The following CNTNAP2 variants were observed in gnomAD, a reference collection of about 807,000 sequenced individuals.
CNTNAP2 encodes the protein contactin associated protein 2.
In CNTNAP2, 98 loss-of-function variants were observed where a neutral mutation model predicts 155.2. That is an observed-to-expected ratio of 0.63 (90% CI 0.54 to 0.75). The LOEUF is 0.75. CNTNAP2 is among the 30% of genes least tolerant of loss of function. CNTNAP2 has a pLI of 0.00. For missense variants in CNTNAP2, 1,727 were observed against 1,688.1 expected, an observed-to-expected ratio of 1.02 and a Z score of -0.40; for synonymous variants, 651 against 631.2, an observed-to-expected ratio of 1.03 and a Z score of -0.47.
At chr7:146,480,813 G>A (rs886806586) in intron 1 of CNTNAP2, among the ~76,000 whole-genome samples, 1 of 150,622 alleles carries the variant, frequency 6.6e-6, no homozygotes, top group Non-Finnish European at 1.5e-5. Flanking sequence ...CTCCCGAGTA[G>A]CTGGGACTAC....
chr7:146,618,714 A>C (rs1799268249), intron 1 of CNTNAP2, among the ~76,000 whole-genome samples: 1 of 152,166 alleles, frequency 6.6e-6, no homozygotes, highest in South Asian at 2.1e-4. Context: ...TAATGCATAA[A>C]CGTTAATGGA....
intron 21 of CNTNAP2, among the ~76,000 whole-genome samples, chr7:148,335,380 A>G (rs1289348649): frequency 6.6e-6 from 1 of 152,112 alleles, no homozygotes; most frequent in Non-Finnish European, 1.5e-5. Flanking sequence ...TCATGATGGG[A>G]GTCTCCTGCT....
At chr7:148,322,560 G>A (rs1217653970) in intron 21 of CNTNAP2, among the ~76,000 whole-genome samples, 1 of 152,120 alleles carries the variant, frequency 6.6e-6, no homozygotes, top group Non-Finnish European at 1.5e-5. Flanking sequence ...TCTTAAAGTT[G>A]TACTTGGGCA....
intron 21 of CNTNAP2, among the ~76,000 whole-genome samples, chr7:148,327,774 C>G (rs1367967594): frequency 6.6e-6 from 1 of 152,070 alleles, no homozygotes; most frequent in East Asian, 1.9e-4. Context: ...GTTTCTATTG[C>G]CTGGAAACTC....
intron 1 of CNTNAP2, among the ~76,000 whole-genome samples, chr7:146,621,286 CT>C (rs969834541): frequency 1.3e-5 from 2 of 152,152 alleles, no homozygotes; most frequent in African/African-American, 4.8e-5. Flanking sequence ...CCAGTTTCCC[CT>C]ATTAACTTTT....
At chr7:147,965,086 G>A (rs1010891646) in intron 14 of CNTNAP2, among the ~76,000 whole-genome samples, 2 of 152,136 alleles carry the variant, frequency 1.3e-5, no homozygotes, top group Admixed American at 6.5e-5. Context: ...GGAGAAAGAA[G>A]CCCAGGTGCT....
intron 1 of CNTNAP2, among the ~76,000 whole-genome samples, chr7:146,138,670 G>T (rs185748316): frequency 2.1e-4 from 32 of 151,974 alleles, no homozygotes; most frequent in Non-Finnish European, 4.3e-4. Flanking sequence ...ATGTGTTTTT[G>T]TGTGTGTACA....
At chr7:148,012,534 G>T (rs1290812039) in intron 15 of CNTNAP2, among the ~76,000 whole-genome samples, 1 of 152,094 alleles carries the variant, frequency 6.6e-6, no homozygotes, top group Non-Finnish European at 1.5e-5. Context: ...TTCAAAATTT[G>T]TTAAGAGGGT....
chr7:147,263,853 C>T lies in CNTNAP2; in HGVS notation c.1349-36288C>T, dbSNP rs116324881. The stretch of plus-strand genomic sequence containing the variant: ...ATAATTAAAAATCAGTTCACTCTTC[C>T]GGGAATCATTTTGAATGAATTGAAG... On this transcript the variant is annotated intron_variant, in intron 8 of 23. Transcript: ENST00000361727. Among the ~76,000 whole-genome samples the T allele has an allele frequency of 8.4e-3, 1,282 of 152,166 alleles. 24 individuals are homozygous for T. The highest frequency in any genetic ancestry group is 0.029 in the African/African-American group (1,218 of 41,502).
In CNTNAP2 at chr7:147,577,310, T is replaced by C. The variant is rs115751823; in HGVS notation, c.1897+15053T>C. Among the ~76,000 whole-genome samples the C allele has an allele frequency of 6.1e-3, 925 of 152,204 alleles. 9 individuals carry two copies. Among genetic ancestry groups the C allele is most frequent in the African/African-American group, 0.021 (858 of 41,554 alleles). On this transcript the variant is annotated intron_variant, in intron 12 of 23. Transcript: ENST00000361727. ...CATTGCTTCTTTAATATATCCTTAT[T>C]ACCATAGTCTTCCCTCTGTGTTCTC...
intron 1 of CNTNAP2, among the ~76,000 whole-genome samples, chr7:146,304,484 GTGTT>G (rs1262347613): frequency 6.6e-6 from 1 of 152,128 alleles, no homozygotes; most frequent in African/African-American, 2.4e-5. Context: ...AAATCTCTCA[GTGTT>G]TGTTTGTCTG....
chr7:146,984,318 G>T (rs1798074237), intron 3 of CNTNAP2, among the ~76,000 whole-genome samples: 1 of 141,090 alleles, frequency 7.1e-6, no homozygotes, highest in Non-Finnish European at 1.5e-5. Context: ...GGTGAGCCAA[G>T]ATTGTGCCAC....
At chr7:148,209,768 G>A (rs935359001) in intron 18 of CNTNAP2, among the ~76,000 whole-genome samples, 1 of 152,066 alleles carries the variant, frequency 6.6e-6, no homozygotes. Context: ...AACCTTTCAG[G>A]AGTTACCCGT....
intron 1 of CNTNAP2, among the ~76,000 whole-genome samples, chr7:146,702,524 G>A (rs1286254289): frequency 6.6e-6 from 1 of 152,124 alleles, no homozygotes; most frequent in Admixed American, 6.6e-5. Flanking sequence ...GCATTGTTGA[G>A]TACAGTTGCC....
intron 1 of CNTNAP2, among the ~76,000 whole-genome samples, chr7:146,430,864 C>G (rs760746729): frequency 6.6e-6 from 1 of 151,914 alleles, no homozygotes; most frequent in Non-Finnish European, 1.5e-5. Flanking sequence ...TGAAATAATA[C>G]AGTTCAATTA....
At chr7:146,811,133 G>T (rs995228105) in intron 2 of CNTNAP2, among the ~76,000 whole-genome samples, 1 of 152,086 alleles carries the variant, frequency 6.6e-6, no homozygotes, top group Admixed American at 6.5e-5. Context: ...TGATATGAAC[G>T]TTACTGGCCT....
chr7:147,750,649 T>G lies in CNTNAP2; in HGVS notation c.2098+111343T>G, dbSNP rs143122274. 3.2e-3 allele frequency among the ~76,000 whole-genome samples: 490 copies of G among 152,358 alleles called. 6 individuals carry two copies. Among genetic ancestry groups the G allele is most frequent in the African/African-American group, 0.011 (461 of 41,578 alleles). On this transcript the variant is annotated intron_variant, in intron 13 of 23. Coordinates refer to ENST00000361727, the MANE Select transcript of CNTNAP2 (RefSeq NM_014141.6). Reference sequence around the variant, plus strand: ...GTCTACTAATTTTTGTTCATATATTTTTGTTTTACTAATTTTTGTTCAAGT... The same window carrying G: ...GTCTACTAATTTTTGTTCATATATTGTTGTTTTACTAATTTTTGTTCAAGT...
At chr7:146,334,061 T>C (rs567376312) in intron 1 of CNTNAP2, among the ~76,000 whole-genome samples, 1 of 152,290 alleles carries the variant, frequency 6.6e-6, no homozygotes, top group South Asian at 2.1e-4. Context: ...CCCATTCTAT[T>C]TGAGATTCAG....
chr7:147,661,559 T>C (rs1045368441), intron 13 of CNTNAP2, among the ~76,000 whole-genome samples: 18 of 138,716 alleles, frequency 1.3e-4, no homozygotes, highest in Admixed American at 4.1e-4. Flanking sequence ...CTTCTTCTTT[T>C]TTTTTTTTTT....
Sources: gnomAD v4.1 joint callset for allele counts (sites outside exome capture counted in the v4.1 genomes callset) on GRCh38, gnomAD v4.1.1 for gene constraint, MANE v1.5 for transcripts, NCBI Gene and HGNC (gene_info 2026-07-23, HGNC 2026-07-21) for gene names.